PAQR5: variants seen among roughly 807,000 people sequenced by gnomAD.
PAQR5 encodes membrane progestin receptor gamma.
A neutral mutation model predicts 34.5 loss-of-function variants in PAQR5; 20 were observed. The observed-to-expected ratio is 0.58, with a 90% CI of 0.41 to 0.84. PAQR5 has a LOEUF of 0.84. Among genes scored for constraint, PAQR5 ranks in the 40% least tolerant of loss-of-function variants. PAQR5 has a pLI of 0.00. For synonymous variants in PAQR5, 131 were observed against 155.6 expected, an observed-to-expected ratio of 0.84 and a Z score of 1.18; for missense variants, 378 against 412.7, an observed-to-expected ratio of 0.92 and a Z score of 0.73.
intron 2 of PAQR5, among the ~76,000 whole-genome samples, chr15:69,358,946 A>C (rs1232213001): frequency 2.6e-5 from 4 of 152,100 alleles, no homozygotes; most frequent in African/African-American, 9.7e-5. Flanking sequence ...TCACTGTCTT[A>C]GTCCATTTGG....
intron 2 of PAQR5, among the ~76,000 whole-genome samples, chr15:69,358,202 T>A (rs2055130131): frequency 6.6e-6 from 1 of 152,034 alleles, no homozygotes; most frequent in African/African-American, 2.4e-5. Flanking sequence ...CTTGGACCTG[T>A]TGCAAGGGCT....
At chr15:69,347,318 T>C (rs1595880400) in intron 2 of PAQR5, among the ~76,000 whole-genome samples, 1 of 152,336 alleles carries the variant, frequency 6.6e-6, no homozygotes, top group East Asian at 1.9e-4. Context: ...AGAGGTTCAT[T>C]GTTTAGCATC....
intron 5 of PAQR5, among the ~76,000 whole-genome samples, chr15:69,387,041 G>A (rs1388234940): frequency 6.6e-6 from 1 of 152,056 alleles, no homozygotes; most frequent in African/African-American, 2.4e-5. Flanking sequence ...GCTGTAAGCG[G>A]CACTGCCCCT....
chr15:69,395,646 G>T (rs1277452072), intron 6 of PAQR5, among the ~76,000 whole-genome samples: 1 of 152,182 alleles, frequency 6.6e-6, no homozygotes, highest in Non-Finnish European at 1.5e-5. Context: ...GGTACACAAA[G>T]GTTAGTGACC....
chr15:69,318,079 T>C (rs977308986), intron 1 of PAQR5, among the ~76,000 whole-genome samples: 2 of 152,194 alleles, frequency 1.3e-5, no homozygotes, highest in Non-Finnish European at 2.9e-5. Flanking sequence ...CATCGGGCAA[T>C]GTTTCGTTGC....
intron 1 of PAQR5, among the ~76,000 whole-genome samples, chr15:69,301,339 C>G (rs2053601276): frequency 6.6e-6 from 1 of 152,168 alleles, no homozygotes. Context: ...AGGACTTTCA[C>G]TTTACCCTTG....
At chr15:69,336,067 G>A (rs970161280) in intron 1 of PAQR5, among the ~76,000 whole-genome samples, 4 of 152,188 alleles carry the variant, frequency 2.6e-5, no homozygotes, top group Non-Finnish European at 5.9e-5. Context: ...ACAGATTCAG[G>A]TGGCTTCATG....
At chr15:69,332,779 TA>T (rs56280711) in intron 1 of PAQR5, among the ~76,000 whole-genome samples, 3,600 of 59,740 alleles carry the variant, frequency 0.06, 137 homozygotes, top group East Asian at 0.13. Context: ...CTAAATCTTG[TA>T]AAAAAAAAAA....
In PAQR5 at chr15:69,301,859, A is replaced by AT. The variant is rs71149903; in HGVS notation, c.-277+2840dup. 5.0e-3 allele frequency among the ~76,000 whole-genome samples: 493 copies of AT among 98,758 alleles called. 41 individuals carry two copies. Among genetic ancestry groups the AT allele is most frequent in the African/African-American group, 0.015 (257 of 17,238 alleles). The allele number at this position is 98,758 out of a possible 152,430, so 64.8% of individuals were successfully genotyped here. A position where few individuals can be genotyped will look rare whatever the true frequency, so the allele number is the denominator to read the frequency against. ...GTGAATTCATAAGAAATGGGGGGAG[A>AT]TTTTTTTTTTTTTTTTTTTTTTTTT... On this transcript the variant is annotated intron_variant, in intron 1 of 8. Transcript: ENST00000395407.
chr15:69,389,655 C>A lies in PAQR5; in HGVS notation c.387C>A (p.Gly129=). ...DYGAVNLFSL[G]SAIAYSAYTF... ...CCAAGGCTGGCTTTTCTTCCCCAGG[C>A]TCAGCCATTGCCTACTCTGCATACA... The change falls in exon 6 of 9, where the codon GGC becomes GGA. Residue 129 remains glycine (G), a splice_region_variant and synonymous_variant. Transcript: ENST00000395407. 6.2e-7 allele frequency: 1 copy of A among 1,614,178 alleles called. No homozygotes were observed. Among genetic ancestry groups the A allele is most frequent in the Non-Finnish European group, 8.5e-7 (1 of 1,180,012 alleles).
intron 2 of PAQR5, among the ~76,000 whole-genome samples, chr15:69,339,027 G>C (rs1027048132): frequency 6.6e-6 from 1 of 152,080 alleles, no homozygotes; most frequent in Admixed American, 6.6e-5. Flanking sequence ...GCACTTGATG[G>C]ATCAGCAGGC....
intron 4 of PAQR5, among the ~76,000 whole-genome samples, chr15:69,382,694 A>ATGTATG (rs1567032581): frequency 1.3e-4 from 9 of 69,974 alleles, no homozygotes; most frequent in African/African-American, 5.1e-4. Context: ...ATATATATAT[A>ATGTATG]TATATATATA....
intron 8 of PAQR5, among the ~76,000 whole-genome samples, chr15:69,403,161 A>C (rs2056686913): frequency 6.6e-6 from 1 of 152,356 alleles, no homozygotes; most frequent in Admixed American, 6.5e-5. Flanking sequence ...AGACTGGTGG[A>C]TAAGTTGTTT....
At chr15:69,398,229 T>C (rs191044562) in intron 7 of PAQR5, among the ~76,000 whole-genome samples, 68 of 152,214 alleles carry the variant, frequency 4.5e-4, no homozygotes, top group African/African-American at 1.6e-3. Flanking sequence ...AATGAGGGTC[T>C]TAAAGGAGCG....
chr15:69,300,641 CTT>C (rs1203715889), intron 1 of PAQR5, among the ~76,000 whole-genome samples: 17 of 35,050 alleles, frequency 4.9e-4, no homozygotes, highest in Admixed American at 6.5e-4. Flanking sequence ...TTCTTTCTTT[CTT>C]TCTTTCTTTT....
chr15:69,371,005 G>T (rs763381274), intron 3 of PAQR5, among the ~76,000 whole-genome samples: 32 of 152,086 alleles, frequency 2.1e-4, no homozygotes, highest in African/African-American at 7.2e-4. Flanking sequence ...AAATTATTAC[G>T]TGTTTATTCC....
At chr15:69,394,716 G>T (rs2056366968) in intron 6 of PAQR5, among the ~76,000 whole-genome samples, 1 of 152,214 alleles carries the variant, frequency 6.6e-6, no homozygotes. Flanking sequence ...CGAGCAGGCT[G>T]GGCTGTGGGG....
intron 3 of PAQR5, among the ~76,000 whole-genome samples, chr15:69,370,670 C>G (rs2055536680): frequency 6.6e-6 from 1 of 152,164 alleles, no homozygotes; most frequent in African/African-American, 2.4e-5. Context: ...CAGGCACCTG[C>G]CACCACGCCT....
At chr15:69,306,189 G>A (rs1404102761) in intron 1 of PAQR5, among the ~76,000 whole-genome samples, 5 of 152,096 alleles carry the variant, frequency 3.3e-5, no homozygotes, top group Non-Finnish European at 7.4e-5. Flanking sequence ...CTGTGTTGCG[G>A]GGAATTGGGG....
Sources: gnomAD v4.1 joint callset for allele counts (sites outside exome capture counted in the v4.1 genomes callset) on GRCh38, gnomAD v4.1.1 for gene constraint, MANE v1.5 for transcripts, NCBI Gene and HGNC (gene_info 2026-07-23, HGNC 2026-07-21) for gene names.